CHRNA7: variants seen among roughly 807,000 people sequenced by gnomAD.
The protein encoded by CHRNA7 is neuronal acetylcholine receptor subunit alpha-7.
CHRNA7 carries 17 observed loss-of-function variants against 48.0 expected under a neutral mutation model. The observed-to-expected ratio is 0.35, with a 90% CI of 0.24 to 0.53. The LOEUF (loss-of-function observed/expected upper bound fraction) is 0.53, where lower values mean the gene tolerates loss of function less well. Ranked by LOEUF, CHRNA7 falls within the 20% of genes least tolerant of loss-of-function variation. The pLI, the probability that CHRNA7 is intolerant of heterozygous loss-of-function variation, is 0.92. For missense variants in CHRNA7, 155 were observed against 577.7 expected (o/e 0.27, Z 7.50); for synonymous variants, 75 against 242.3 (o/e 0.31, Z 6.41).
intron 6 of CHRNA7, 110 bp from the exon 7 acceptor site, chr15:32,158,299 TTTA>T (rs2051791630): frequency 3.3e-5 from 28 of 838,544 alleles, no homozygotes; most frequent in East Asian, 3.1e-4. Context: ...CTTTTTTTTT[TTTA>T]GCACTTTGCA....
intron 4 of CHRNA7, among the ~76,000 whole-genome samples, chr15:32,133,034 T>G (rs561713720): frequency 6.6e-6 from 1 of 152,304 alleles, no homozygotes; most frequent in South Asian, 2.1e-4. Flanking sequence ...AGGCTGGCTG[T>G]TTGCCCAGTC....
At chr15:32,050,720 C>G (rs2049654584) in intron 2 of CHRNA7, among the ~76,000 whole-genome samples, 3 of 151,978 alleles carry the variant, frequency 2.0e-5, no homozygotes, top group Non-Finnish European at 2.9e-5. Context: ...AGGAGAGTCA[C>G]TCTGCTTTTT....
At chr15:32,048,462 T>C (rs2049597386) in intron 2 of CHRNA7, among the ~76,000 whole-genome samples, 1 of 152,226 alleles carries the variant, frequency 6.6e-6, no homozygotes, top group African/African-American at 2.4e-5. Flanking sequence ...TGCGTGGAGA[T>C]GTTTGTAGTA....
intron 4 of CHRNA7, among the ~76,000 whole-genome samples, chr15:32,128,561 C>T (rs1048565221): frequency 1.1e-4 from 16 of 151,768 alleles, no homozygotes; most frequent in Non-Finnish European, 1.0e-4. Flanking sequence ...TCAGTAACCA[C>T]ATGTTTACTG....
At chr15:32,139,243 T>C (rs1211422172) in intron 4 of CHRNA7, among the ~76,000 whole-genome samples, 3 of 152,250 alleles carry the variant, frequency 2.0e-5, no homozygotes, top group African/African-American at 7.2e-5. Context: ...TGTTTGGATA[T>C]AGCACAGTTA....
chr15:32,039,282 T>C (rs990578921), intron 2 of CHRNA7, among the ~76,000 whole-genome samples: 9 of 152,172 alleles, frequency 5.9e-5, no homozygotes, highest in Non-Finnish European at 1.3e-4. Flanking sequence ...TAATTTTTAG[T>C]ATTTCTCTGC....
intron 2 of CHRNA7, among the ~76,000 whole-genome samples, chr15:32,094,748 C>T (rs1372451358): frequency 6.6e-6 from 1 of 152,084 alleles, no homozygotes; most frequent in Non-Finnish European, 1.5e-5. Context: ...GCAAGCTCCG[C>T]CTCCCAGGTT....
At chr15:32,145,977 A>T (rs1287093805) in intron 4 of CHRNA7, among the ~76,000 whole-genome samples, 1 of 152,184 alleles carries the variant, frequency 6.6e-6, no homozygotes, top group East Asian at 1.9e-4. Context: ...TCAGTTGGAG[A>T]AATCACCCAT....
At chr15:32,101,431 T>A in intron 3 of CHRNA7, 84 bp downstream of exon 3, 1 of 1,428,412 alleles carries the variant, frequency 7.0e-7, no homozygotes, top group Non-Finnish European at 9.5e-7. Flanking sequence ...AGATGCTTGC[T>A]TCTGAGAGGT....
At chr15:32,101,454 A>C in intron 3 of CHRNA7, 107 bp downstream of exon 3, 2 of 1,147,532 alleles carry the variant, frequency 1.7e-6, no homozygotes, top group South Asian at 1.6e-5. Context: ...TGTTTAGGAA[A>C]AAAAACCAAA....
intron 4 of CHRNA7, among the ~76,000 whole-genome samples, chr15:32,118,161 C>T (rs138056235): frequency 5.5e-4 from 83 of 152,252 alleles, no homozygotes; most frequent in African/African-American, 1.9e-3. Context: ...TGAGCCAGCA[C>T]CTTCAGGCCC....
chr15:32,111,956 C>A, intron 4 of CHRNA7, 57 bp downstream of exon 4: 1 of 1,002,760 alleles, frequency 1.0e-6, no homozygotes, highest in Non-Finnish European at 1.6e-6. Flanking sequence ...ATGTAGCTAT[C>A]ACGTATATTT....
chr15:32,049,241 TG>T (rs1229626623), intron 2 of CHRNA7, among the ~76,000 whole-genome samples: 3 of 151,996 alleles, frequency 2.0e-5, no homozygotes, highest in Non-Finnish European at 4.4e-5. Flanking sequence ...ATGTTGACAG[TG>T]GGGTGTTAAA....
intron 2 of CHRNA7, among the ~76,000 whole-genome samples, chr15:32,070,396 A>G (rs578068924): frequency 6.6e-6 from 1 of 152,090 alleles, no homozygotes. Flanking sequence ...ACTTTGTCAG[A>G]TATGTGGACT....
intron 2 of CHRNA7, among the ~76,000 whole-genome samples, chr15:32,073,244 G>A (rs142960832): frequency 5.1e-4 from 78 of 152,314 alleles, no homozygotes; most frequent in Non-Finnish European, 9.6e-4. Flanking sequence ...GAGCTTGAAG[G>A]TTTAATGTTG....
At chr15:32,153,034 A>G (rs1378584102) in intron 4 of CHRNA7, among the ~76,000 whole-genome samples, 1 of 149,498 alleles carries the variant, frequency 6.7e-6, no homozygotes, top group Non-Finnish European at 1.5e-5. Context: ...GTCTTCCCTC[A>G]CTCTCCTTCT....
intron 2 of CHRNA7, among the ~76,000 whole-genome samples, chr15:32,050,438 C>T (rs1489916322): frequency 5.3e-5 from 8 of 152,190 alleles, no homozygotes; most frequent in African/African-American, 1.2e-4. Context: ...TTGATCGCAT[C>T]GGCTCCTGAG....
intron 4 of CHRNA7, among the ~76,000 whole-genome samples, chr15:32,133,169 G>T (rs1218485593): frequency 6.6e-6 from 1 of 152,220 alleles, no homozygotes; most frequent in Non-Finnish European, 1.5e-5. Context: ...TGTGTGCATA[G>T]TAATCCCAGT....
intron 2 of CHRNA7, among the ~76,000 whole-genome samples, chr15:32,054,173 T>G (rs1372087009): frequency 6.6e-6 from 1 of 152,176 alleles, no homozygotes; most frequent in African/African-American, 2.4e-5. Flanking sequence ...GTTTATAATC[T>G]AAAGTATCTA....
Sources: gnomAD v4.1 joint callset for allele counts (sites outside exome capture counted in the v4.1 genomes callset) on GRCh38, gnomAD v4.1.1 for gene constraint, MANE v1.5 for transcripts, NCBI Gene and HGNC (gene_info 2026-07-23, HGNC 2026-07-21) for gene names.